Variants in LAMA4 observed in about 807,000 individuals in gnomAD.
LAMA4 encodes laminin subunit alpha-4.
LAMA4 carries 127 observed loss-of-function variants against 207.1 expected under a neutral mutation model. That is an observed-to-expected ratio of 0.61 (90% CI 0.53 to 0.71). The LOEUF is 0.71. Among genes scored for constraint, LAMA4 ranks in the 30% least tolerant of loss-of-function variants. The pLI is 0.00. For missense variants in LAMA4, 2,093 were observed against 2,246.5 expected, an observed-to-expected ratio of 0.93 and a Z score of 1.38; for synonymous variants, 761 against 816.0, an observed-to-expected ratio of 0.93 and a Z score of 1.15.
chr6:112,200,953 G>A (rs185527367), intron 5 of LAMA4, among the ~76,000 whole-genome samples: 88 of 151,428 alleles, frequency 5.8e-4, no homozygotes, highest in African/African-American at 2.0e-3. Flanking sequence ...GATGGGTGCA[G>A]CAAACCACCA....
At chr6:112,116,867 A>T (rs1373028062) in intron 35 of LAMA4, among the ~76,000 whole-genome samples, 1 of 152,160 alleles carries the variant, frequency 6.6e-6, no homozygotes, top group Non-Finnish European at 1.5e-5. Flanking sequence ...GAGAATTGTA[A>T]GTGTAGGTGT....
At chr6:112,137,138 CA>C (rs1277095921) in intron 24 of LAMA4, among the ~76,000 whole-genome samples, 1 of 152,070 alleles carries the variant, frequency 6.6e-6, no homozygotes, top group African/African-American at 2.4e-5. Flanking sequence ...GTTTAAGAAT[CA>C]AAGAAATTTT....
chr6:112,177,483 C>T (rs1186786713), intron 10 of LAMA4, among the ~76,000 whole-genome samples: 1 of 152,184 alleles, frequency 6.6e-6, no homozygotes, highest in Non-Finnish European at 1.5e-5. Context: ...CTGTTTTCTG[C>T]TGGTAAATTG....
Position 112,165,177 on chromosome 6 carries a change from G to T in LAMA4, c.1651C>A (p.Leu551Ile), listed in dbSNP as rs782145143. ...LTTPRLTLSELDDIIKNASGI... is the reference protein window; with the variant it reads ...LTTPRLTLSEIDDIIKNASGI... Reference sequence around the variant, plus strand: ...GTCCTTACCTTTATTATATCATCAAGTTCTGAAAGAGTTAGACGAGGTGTT... The same window carrying T: ...GTCCTTACCTTTATTATATCATCAATTTCTGAAAGAGTTAGACGAGGTGTT... Residue 551 changes from leucine to isoleucine, a missense_variant, in exon 13 of 39, where the codon CTT becomes ATT. By Grantham distance (5) the Leu-to-Ile change is conservative. Coordinates refer to ENST00000230538, the MANE Select transcript of LAMA4 (RefSeq NM_001105206.3). 1 of 1,605,236 alleles carries T rather than the reference G, an allele frequency of 6.2e-7. No individual in the cohort carries two copies. Among genetic ancestry groups the T allele is most frequent in the Non-Finnish European group, 8.5e-7 (1 of 1,171,914 alleles).
rs1562716288 is a variant in LAMA4 at position 112,191,766 on chromosome 6, G to T, written c.588C>A (p.Asn196Lys). Residue 196 changes from asparagine to lysine, a missense_variant, in exon 6 of 39, where the codon AAC becomes AAA. Physicochemically the swap from Asn to Lys is moderately conservative, Grantham distance 94 (BLOSUM62 0). Around this residue, in one of 3 missense-constraint regions of LAMA4, gnomAD observed 1,704 missense variants for 1,788.4 expected, o/e 0.95. Coordinates refer to ENST00000230538, the MANE Select transcript of LAMA4 (RefSeq NM_001105206.3). The stretch of plus-strand genomic sequence containing the variant: ...CTTCATCACAATCTTCAAAGATCAG[G>T]TTGGGATCTGAATTTCCACTGCAGT... ...KCDCSGNSDP[N>K]LIFEDCDEVT... is the part of the protein sequence containing the mutation. The T allele has an allele frequency of 6.2e-7, 1 of 1,614,012 alleles. No homozygotes were observed. Among genetic ancestry groups the T allele is most frequent in the Non-Finnish European group, 8.5e-7 (1 of 1,179,884 alleles).
rs1268977606 is a variant in LAMA4 at position 112,129,943 on chromosome 6, C to G, written c.4066G>C (p.Gly1356Arg). Reference sequence around the variant, plus strand: ...TACTGAGCACTGATTGGTGAGCCACCGAAGTAAAACTTCTTTTCACTTGCT... The same window carrying G: ...TACTGAGCACTGATTGGTGAGCCACGGAAGTAAAACTTCTTTTCACTTGCT... The part of the protein sequence containing the change: ...TQASEKKFYF[G>R]GSPISAQYAN... The change falls in exon 30 of 39, where the codon GGT becomes CGT. Residue 1356 changes from glycine to arginine, a missense_variant. Transcript: ENST00000230538. The G allele has an allele frequency of 1.9e-6, 3 of 1,612,736 alleles. No individual in the cohort carries two copies. Among genetic ancestry groups the G allele is most frequent in the Non-Finnish European group, 2.5e-6 (3 of 1,179,244 alleles).
At chr6:112,114,841 G>A (rs1777917518) in intron 36 of LAMA4, 85 bp from the exon 37 acceptor site, 4 of 947,102 alleles carry the variant, frequency 4.2e-6, no homozygotes, top group South Asian at 1.3e-5. Context: ...CCACAGTGAA[G>A]CAATACTTCA....
intron 12 of LAMA4, among the ~76,000 whole-genome samples, chr6:112,168,120 C>T (rs1459500505): frequency 6.6e-6 from 1 of 151,254 alleles, no homozygotes; most frequent in African/African-American, 2.4e-5. Context: ...ATGGCACGAA[C>T]CCGGGAGGCA....
At chr6:112,200,300 A>G in intron 5 of LAMA4, 1 of 387,620 alleles carries the variant, frequency 2.6e-6, no homozygotes. Flanking sequence ...ATCACTGGTC[A>G]TTAGAGAAAT....
At chr6:112,150,321 A>G (rs1583723454) in intron 17 of LAMA4, 190 bp downstream of exon 17, 1 of 639,224 alleles carries the variant, frequency 1.6e-6, no homozygotes. Context: ...GTGTGATTAC[A>G]GCATTTATAT....
intron 19 of LAMA4, among the ~76,000 whole-genome samples, chr6:112,144,302 C>T (rs1249840437): frequency 6.6e-6 from 1 of 152,136 alleles, no homozygotes; most frequent in Non-Finnish European, 1.5e-5. Flanking sequence ...GTTAACCCTG[C>T]GGGTGGTCAG....
chr6:112,216,510 T>C, intron 2 of LAMA4, 41 bp from the exon 3 acceptor site: 3 of 1,342,304 alleles, frequency 2.2e-6, no homozygotes, highest in Non-Finnish European at 3.2e-6. Context: ...ATTGAAAAGA[T>C]TGATTTTGGT....
chr6:112,144,408 C>G (rs1161848752), intron 19 of LAMA4, among the ~76,000 whole-genome samples: 4 of 152,192 alleles, frequency 2.6e-5, no homozygotes, highest in African/African-American at 7.2e-5. Context: ...TGCACTAAAG[C>G]AGCTGTTAAA....
chr6:112,231,194 T>C (rs1307223353), intron 2 of LAMA4, among the ~76,000 whole-genome samples: 1 of 152,208 alleles, frequency 6.6e-6, no homozygotes, highest in African/African-American at 2.4e-5. Context: ...TTAGTATGTC[T>C]CCCTTTTTTC....
intron 9 of LAMA4, among the ~76,000 whole-genome samples, chr6:112,183,333 T>G (rs1409224302): frequency 3.9e-5 from 6 of 152,176 alleles, no homozygotes; most frequent in African/African-American, 1.4e-4. Context: ...TTGAAATGTT[T>G]CAGCAGGTTT....
At chr6:112,209,829 C>T (rs1370219166) in intron 3 of LAMA4, among the ~76,000 whole-genome samples, 2 of 152,212 alleles carry the variant, frequency 1.3e-5, no homozygotes, top group Non-Finnish European at 2.9e-5. Context: ...AATGGTTTGG[C>T]TCTGGGTTCC....
chr6:112,150,472 G>T, intron 17 of LAMA4, 39 bp downstream of exon 17: 3 of 1,231,248 alleles, frequency 2.4e-6, no homozygotes, highest in South Asian at 1.2e-5. Flanking sequence ...ACACTCCAGT[G>T]AATCAACAGA....
At chr6:112,218,660 G>A (rs1274988104) in intron 2 of LAMA4, 4 of 152,204 alleles carry the variant, frequency 2.6e-5, no homozygotes, top group Admixed American at 2.0e-4. Flanking sequence ...GCCAAGTTTA[G>A]GAGGAGAGTT....
intron 28 of LAMA4, among the ~76,000 whole-genome samples, chr6:112,132,128 A>T (rs1779070904): frequency 6.6e-6 from 1 of 152,166 alleles, no homozygotes; most frequent in Non-Finnish European, 1.5e-5. Flanking sequence ...TTGGTAACAG[A>T]TAGCGACCGC....
Sources: gnomAD v4.1 joint callset for allele counts (sites outside exome capture counted in the v4.1 genomes callset) on GRCh38, gnomAD v4.1.1 for gene constraint, gnomAD v4.1.1 regional missense constraint, MANE v1.5 for transcripts, NCBI Gene and HGNC (gene_info 2026-07-23, HGNC 2026-07-21) for gene names.